The following SCAPER variants were observed in gnomAD, a reference collection of about 807,000 sequenced individuals.
SCAPER encodes S phase cyclin A-associated protein in the endoplasmic reticulum.
A neutral mutation model predicts 182.2 loss-of-function variants in SCAPER; 98 were observed. That is an observed-to-expected ratio of 0.54 (90% CI 0.46 to 0.64). The LOEUF (loss-of-function observed/expected upper bound fraction) is 0.64, where lower values mean the gene tolerates loss of function less well. SCAPER is among the 30% of genes least tolerant of loss of function. SCAPER has a pLI of 0.00. For synonymous variants in SCAPER, 605 were observed against 564.6 expected (o/e 1.07, Z -1.01); for missense variants, 1,432 against 1,690.0 (o/e 0.85, Z 2.68).
chr15:76,738,482 G>A (rs2061387320), intron 15 of SCAPER, among the ~76,000 whole-genome samples: 1 of 150,526 alleles, frequency 6.6e-6, no homozygotes, highest in South Asian at 2.1e-4. Flanking sequence ...AGCTTGCAGT[G>A]AGCCGACATC....
intron 22 of SCAPER, among the ~76,000 whole-genome samples, chr15:76,585,451 C>T (rs1013867830): frequency 1.3e-5 from 2 of 152,144 alleles, no homozygotes; most frequent in Non-Finnish European, 2.9e-5. Flanking sequence ...GTGAACTTCA[C>T]TGTGTGATAG....
At chr15:76,883,023 T>C (rs1256226477) in intron 2 of SCAPER, among the ~76,000 whole-genome samples, 1 of 152,100 alleles carries the variant, frequency 6.6e-6, no homozygotes, top group Non-Finnish European at 1.5e-5. Flanking sequence ...CTTCAGAAGG[T>C]TGTACCTATC....
intron 26 of SCAPER, among the ~76,000 whole-genome samples, chr15:76,419,889 C>A (rs2142321380): frequency 6.6e-6 from 1 of 152,202 alleles, no homozygotes; most frequent in South Asian, 2.1e-4. Context: ...AAATTCTCAA[C>A]AAGATACTAA....
intron 7 of SCAPER, 74 bp from the exon 8 acceptor site, chr15:76,795,514 T>A: frequency 8.5e-7 from 1 of 1,171,730 alleles, no homozygotes; most frequent in Non-Finnish European, 1.1e-6. Context: ...TAAATGTATT[T>A]AAAATTTAAA....
chr15:76,357,054 T>G (rs2041011497), intron 29 of SCAPER, among the ~76,000 whole-genome samples: 1 of 152,030 alleles, frequency 6.6e-6, no homozygotes, highest in South Asian at 2.1e-4. Flanking sequence ...GTTCTTGTAT[T>G]TATTTACCAA....
At position 76,676,045 on chromosome 15, in the gene SCAPER, G is replaced by T. The variant is rs368851018; in HGVS notation, c.2509-10256C>A. Among the ~76,000 whole-genome samples, 90 of 152,188 alleles carry T rather than the reference G, an allele frequency of 5.9e-4. 1 individual carries two copies. The East Asian group carries it at 0.014, about 23-fold the overall frequency. ...TTGCCATGTTGGCCAGGCTGGTCTC[G>T]AACTCCTGACCTCAGGTGATCCACC... On this transcript the variant is annotated intron_variant, in intron 20 of 31. Transcript: ENST00000563290.
chr15:76,423,798 C>T (rs1290251445), intron 26 of SCAPER, among the ~76,000 whole-genome samples: 1 of 152,116 alleles, frequency 6.6e-6, no homozygotes, highest in African/African-American at 2.4e-5. Flanking sequence ...TAAATGTGTC[C>T]CAGAGATTCT....
chr15:76,617,737 A>G (rs531416317), intron 22 of SCAPER, among the ~76,000 whole-genome samples: 7 of 152,182 alleles, frequency 4.6e-5, no homozygotes, highest in Non-Finnish European at 8.8e-5. Flanking sequence ...GAAGTCACAT[A>G]TCACTTCTAC....
chr15:76,782,794 C>G (rs765958507), intron 8 of SCAPER, among the ~76,000 whole-genome samples: 4 of 151,846 alleles, frequency 2.6e-5, no homozygotes, highest in Non-Finnish European at 5.9e-5. Context: ...GGGTAAATAA[C>G]GAAATAAAGG....
chr15:76,370,310 T>TTTTTTTTTTTTTTG (rs1567007744), intron 29 of SCAPER, among the ~76,000 whole-genome samples: 6 of 137,252 alleles, frequency 4.4e-5, no homozygotes, highest in Admixed American at 7.5e-5. Flanking sequence ...TTTTTTTTTT[T>TTTTTTTTTTTTTTG]TTTTTTGTTT....
chr15:76,500,501 T>C (rs1377729561), intron 24 of SCAPER, among the ~76,000 whole-genome samples: 4 of 152,212 alleles, frequency 2.6e-5, no homozygotes, highest in African/African-American at 9.6e-5. Flanking sequence ...GGCTTGGTGA[T>C]GTGGAGGGCC....
At chr15:76,496,508 C>A (rs1490728122) in intron 24 of SCAPER, among the ~76,000 whole-genome samples, 1 of 152,074 alleles carries the variant, frequency 6.6e-6, no homozygotes, top group African/African-American at 2.4e-5. Flanking sequence ...GATATATTTT[C>A]TTTTCTTTGA....
At chr15:76,759,085 C>T (rs1466316246) in intron 14 of SCAPER, among the ~76,000 whole-genome samples, 2 of 152,006 alleles carry the variant, frequency 1.3e-5, no homozygotes, top group Non-Finnish European at 2.9e-5. Context: ...TCTTGCTTTT[C>T]CCAGTATTTC....
At chr15:76,528,293 C>T (rs1013531272) in intron 23 of SCAPER, among the ~76,000 whole-genome samples, 3 of 152,182 alleles carry the variant, frequency 2.0e-5, no homozygotes, top group Admixed American at 2.0e-4. Context: ...AGATTATCAT[C>T]CATTTCTACT....
intron 4 of SCAPER, among the ~76,000 whole-genome samples, chr15:76,850,161 T>C (rs1459123730): frequency 2.0e-5 from 3 of 151,996 alleles, no homozygotes; most frequent in Admixed American, 1.3e-4. Flanking sequence ...ACAAAAGAAG[T>C]CAGCAACAAA....
chr15:76,403,320 C>T lies in SCAPER; in HGVS notation c.3467+1204G>A, dbSNP rs1416065495. Among the ~76,000 whole-genome samples the T allele has an allele frequency of 2.0e-5, 3 of 152,206 alleles. No individual in the cohort carries two copies. The East Asian group carries it at 5.8e-4, about 29-fold the overall frequency. On this transcript the variant is annotated intron_variant, in intron 27 of 31. Coordinates refer to ENST00000563290, the MANE Select transcript of SCAPER (RefSeq NM_020843.4). ...TACAAAAAGTCACTTCCTGAGCTCT[C>T]ACTGAAGGTAGGCTTGGTCTACATT... is the stretch of plus-strand genomic sequence containing the variant.
intron 22 of SCAPER, among the ~76,000 whole-genome samples, chr15:76,605,893 G>A (rs563935018): frequency 3.2e-4 from 49 of 151,960 alleles, no homozygotes; most frequent in Non-Finnish European, 4.7e-4. Context: ...TTTTTATTGC[G>A]TCTATTTGAT....
intron 3 of SCAPER, among the ~76,000 whole-genome samples, chr15:76,858,106 T>A (rs920112198): frequency 6.6e-6 from 1 of 152,184 alleles, no homozygotes; most frequent in African/African-American, 2.4e-5. Flanking sequence ...TCCCAGAGAC[T>A]GCTATTATTG....
At chr15:76,386,240 T>C (rs925855615) in intron 27 of SCAPER, among the ~76,000 whole-genome samples, 13 of 152,240 alleles carry the variant, frequency 8.5e-5, no homozygotes, top group Admixed American at 6.5e-5. Context: ...TTAACTTAAT[T>C]GTATCTGCAA....
Sources: gnomAD v4.1 joint callset for allele counts (sites outside exome capture counted in the v4.1 genomes callset) on GRCh38, gnomAD v4.1.1 for gene constraint, MANE v1.5 for transcripts, NCBI Gene and HGNC (gene_info 2026-07-23, HGNC 2026-07-21) for gene names.